Variants in EPHA5 observed in about 807,000 individuals in gnomAD.
The protein encoded by EPHA5 is ephrin type-A receptor 5.
Under a neutral mutation model 105.0 loss-of-function variants are expected in EPHA5, and 60 were observed. The observed-to-expected ratio is 0.57, with a 90% CI of 0.46 to 0.71. The LOEUF is 0.71. Ranked by LOEUF, EPHA5 falls within the 30% of genes least tolerant of loss-of-function variation. EPHA5 has a pLI of 0.00. For synonymous variants in EPHA5, 513 were observed against 449.1 expected (o/e 1.14, Z -1.80); for missense variants, 1,218 against 1,274.7 (o/e 0.96, Z 0.68).
intron 5 of EPHA5, among the ~76,000 whole-genome samples, chr4:65,482,011 A>C (rs1006620639): frequency 2.0e-5 from 3 of 152,184 alleles, no homozygotes; most frequent in African/African-American, 7.2e-5. Context: ...AAAGCCTGTG[A>C]AATAGGCTGG....
intron 2 of EPHA5, among the ~76,000 whole-genome samples, chr4:65,610,538 A>T (rs1744671454): frequency 6.6e-6 from 1 of 152,104 alleles, no homozygotes; most frequent in Non-Finnish European, 1.5e-5. Flanking sequence ...AAGAATAAAC[A>T]AATTAATTAA....
intron 2 of EPHA5, among the ~76,000 whole-genome samples, chr4:65,625,109 A>G (rs1036002955): frequency 1.3e-5 from 2 of 152,194 alleles, no homozygotes; most frequent in Non-Finnish European, 2.9e-5. Flanking sequence ...AATAAAGGAA[A>G]CACTAGACAG....
intron 5 of EPHA5, among the ~76,000 whole-genome samples, chr4:65,427,084 G>T (rs1724507319): frequency 1.3e-5 from 2 of 150,660 alleles, no homozygotes; most frequent in Admixed American, 6.6e-5. Flanking sequence ...AAAAGTCCAA[G>T]AATATATATG....
chr4:65,665,121 GA>G (rs1560840154), intron 1 of EPHA5, among the ~76,000 whole-genome samples: 3 of 151,542 alleles, frequency 2.0e-5, no homozygotes, highest in Admixed American at 2.0e-4. Flanking sequence ...TTTTTCTTTT[GA>G]AAAAAGAACA....
At chr4:65,619,553 G>C (rs1327478505) in intron 2 of EPHA5, among the ~76,000 whole-genome samples, 1 of 152,038 alleles carries the variant, frequency 6.6e-6, no homozygotes, top group Non-Finnish European at 1.5e-5. Flanking sequence ...GATTTATGCA[G>C]CATGGTTTTA....
intron 1 of EPHA5, among the ~76,000 whole-genome samples, chr4:65,662,939 C>T (rs1236301769): frequency 3.9e-5 from 6 of 152,174 alleles, no homozygotes; most frequent in Non-Finnish European, 8.8e-5. Flanking sequence ...CAATTAAAGG[C>T]ATGAACATTT....
intron 14 of EPHA5, among the ~76,000 whole-genome samples, chr4:65,340,053 A>T (rs1399209151): frequency 6.6e-6 from 1 of 152,174 alleles, no homozygotes. Context: ...GGGGGAGGAC[A>T]AATTTGTAAT....
chr4:65,378,504 G>A (rs558364256), intron 8 of EPHA5, among the ~76,000 whole-genome samples: 16 of 151,936 alleles, frequency 1.1e-4, no homozygotes, highest in South Asian at 4.2e-4. Context: ...CTTCTGCCTC[G>A]TTGCAGCACT....
chr4:65,556,124 C>T (rs1307560241), intron 3 of EPHA5, among the ~76,000 whole-genome samples: 1 of 152,032 alleles, frequency 6.6e-6, no homozygotes, highest in Non-Finnish European at 1.5e-5. Flanking sequence ...TATCAGTAGC[C>T]AGTTCTGGTA....
At chr4:65,638,784 C>T (rs1747385796) in intron 2 of EPHA5, among the ~76,000 whole-genome samples, 1 of 152,042 alleles carries the variant, frequency 6.6e-6, no homozygotes, top group Admixed American at 6.6e-5. Context: ...ATGAATGGAG[C>T]AATAGGGTTA....
chr4:65,517,156 A>C (rs775817855), intron 3 of EPHA5, among the ~76,000 whole-genome samples: 1 of 151,986 alleles, frequency 6.6e-6, no homozygotes, highest in African/African-American at 2.4e-5. Context: ...TTAAATGTAC[A>C]TATTTATAAT....
At chr4:65,558,050 T>C (rs999015847) in intron 3 of EPHA5, among the ~76,000 whole-genome samples, 7 of 152,048 alleles carry the variant, frequency 4.6e-5, no homozygotes, top group African/African-American at 1.7e-4. Context: ...CTAACTTTTG[T>C]ATTTTTAGTA....
chr4:65,394,685 A>G (rs1721046344), intron 8 of EPHA5, among the ~76,000 whole-genome samples: 1 of 152,172 alleles, frequency 6.6e-6, no homozygotes, highest in Non-Finnish European at 1.5e-5. Flanking sequence ...AGGCAGGACC[A>G]TTCTTACAAT....
intron 16 of EPHA5, among the ~76,000 whole-genome samples, chr4:65,324,591 G>A (rs117156911): frequency 6.6e-6 from 1 of 151,244 alleles, no homozygotes; most frequent in East Asian, 2.0e-4. Flanking sequence ...ACTTATTTTT[G>A]CTAAAAGAAG....
chr4:65,493,954 C>T (rs926194886), intron 4 of EPHA5, among the ~76,000 whole-genome samples: 7 of 152,194 alleles, frequency 4.6e-5, no homozygotes, highest in African/African-American at 1.2e-4. Context: ...GTCTAGCCAA[C>T]ATTTTCCCTA....
At position 65,669,538 on chromosome 4, in the gene EPHA5, C is replaced by T. The variant is rs757199178; in HGVS notation, c.181+24G>A. ...CTAGCCCCTCCGCCCCAGGTCGCCA[C>T]GGTCCCCACCCCCATCTCCCTACCT... On this transcript the variant is annotated intron_variant, in intron 1 of 16. Transcript: ENST00000613740. The T allele has an allele frequency of 8.1e-6, 11 of 1,359,806 alleles. 1 individual carries two copies. The South Asian group carries it at 8.4e-5, about 10-fold the overall frequency. The allele number at this position is 1,359,806 out of a possible 1,614,324, so 84.2% of individuals were successfully genotyped here. A position where few individuals can be genotyped will look rare whatever the true frequency, so the allele number is the denominator to read the frequency against.
chr4:65,638,649 G>C (rs1365769556), intron 2 of EPHA5, among the ~76,000 whole-genome samples: 2 of 152,164 alleles, frequency 1.3e-5, no homozygotes, highest in Non-Finnish European at 2.9e-5. Context: ...TGAGGCAGGA[G>C]AATTGCTTTA....
chr4:65,399,696 T>C (rs530541468), intron 8 of EPHA5, among the ~76,000 whole-genome samples: 75 of 152,370 alleles, frequency 4.9e-4, no homozygotes, highest in African/African-American at 1.7e-3. Flanking sequence ...ATGTGTGCAA[T>C]GTCTATGTTT....
chr4:65,369,036 A>G (rs1327864338), intron 8 of EPHA5, among the ~76,000 whole-genome samples: 1 of 152,122 alleles, frequency 6.6e-6, no homozygotes, highest in Non-Finnish European at 1.5e-5. Flanking sequence ...GCTGCAGCAT[A>G]GTCATTTGAG....
Sources: allele counts gnomAD v4.1 joint callset (sites outside exome capture counted in the v4.1 genomes callset), GRCh38; gene constraint gnomAD v4.1.1; transcripts MANE v1.5; gene names NCBI Gene and HGNC (gene_info 2026-07-23, HGNC 2026-07-21).